Variants in SLC23A2 observed in about 807,000 individuals in gnomAD.
SLC23A2 encodes solute carrier family 23 member 2.
SLC23A2 carries 36 observed loss-of-function variants against 73.3 expected under a neutral mutation model. The observed-to-expected ratio is 0.49, with a 90% CI of 0.38 to 0.65. SLC23A2 has a LOEUF of 0.65. SLC23A2 is among the 30% of genes least tolerant of loss of function. SLC23A2 has a pLI of 0.00. For synonymous variants in SLC23A2, 343 were observed against 327.3 expected (o/e 1.05, Z -0.52); for missense variants, 507 against 841.6 (o/e 0.60, Z 4.92).
At chr20:4,931,217 C>T (rs1249228907) in intron 3 of SLC23A2, among the ~76,000 whole-genome samples, 1 of 151,772 alleles carries the variant, frequency 6.6e-6, no homozygotes, top group Non-Finnish European at 1.5e-5. Context: ...TGGTGGCAGG[C>T]ATCTGTGATC....
At position 4,853,789 on chromosome 20, in the gene SLC23A2, C is replaced by G. The variant is rs918280928; in HGVS notation, c.*3183G>C. 1 of 152,408 alleles carries G rather than the reference C, an allele frequency of 6.6e-6. No individual in the cohort carries two copies. Among genetic ancestry groups the G allele is most frequent in the Non-Finnish European group, 1.5e-5 (1 of 68,050 alleles). 9.4% of individuals were successfully genotyped at this position (152,408 alleles called of 1,614,324 possible). A position where few individuals can be genotyped will look rare whatever the true frequency, so the allele number is the denominator to read the frequency against. On this transcript the variant is annotated 3_prime_UTR_variant, in exon 17 of 17. Coordinates refer to ENST00000338244, the MANE Select transcript of SLC23A2 (RefSeq NM_005116.6). ...CTGGCTGGCATGGTTAAAGCCACTT[C>G]TCTTGCCTTGATCAATCCCAAGAAA... is the stretch of plus-strand genomic sequence containing the variant.
intron 2 of SLC23A2, among the ~76,000 whole-genome samples, chr20:4,952,323 A>C (rs765257180): frequency 2.0e-5 from 3 of 152,142 alleles, no homozygotes; most frequent in Non-Finnish European, 4.4e-5. Flanking sequence ...GGGAGGAGAA[A>C]ATGTTTGGTT....
chr20:4,856,976 C>T lies in SLC23A2; in HGVS notation c.1949G>A (p.Gly650Glu). The T allele has an allele frequency of 6.2e-7, 1 of 1,610,712 alleles. No individual in the cohort carries two copies. The highest frequency in any genetic ancestry group is 8.5e-7 in the Non-Finnish European group (1 of 1,177,238). ...RSSDEDSQAT[G>E] ...GGCCACAGGGCACAGCAAAGGCTAT[C>T]CCGTGGCCTGGGAGTCTTCATCTGA... Residue 650 changes from glycine (G) to glutamate (E), a missense_variant, in exon 17 of 17, where the codon GGA (glycine) becomes GAA (glutamate). Physicochemically the swap from Gly to Glu is moderately conservative, Grantham distance 98. Transcript: ENST00000338244. This position sits in a 1 kb window ranked among gnomAD's most constrained non-coding sequence, Gnocchi z 4.6.
At chr20:4,950,243 C>T (rs2087179046) in intron 2 of SLC23A2, among the ~76,000 whole-genome samples, 1 of 152,222 alleles carries the variant, frequency 6.6e-6, no homozygotes, top group South Asian at 2.1e-4. Flanking sequence ...GTAAACCCTT[C>T]AGTTCAGATG....
At chr20:4,948,061 C>G (rs992483533) in intron 2 of SLC23A2, among the ~76,000 whole-genome samples, 1 of 152,196 alleles carries the variant, frequency 6.6e-6, no homozygotes, top group Non-Finnish European at 1.5e-5. Flanking sequence ...GAAGAGGAAG[C>G]CTCAGTAGGG....
intron 3 of SLC23A2, among the ~76,000 whole-genome samples, chr20:4,928,970 G>C (rs1932754778): frequency 6.6e-6 from 1 of 152,218 alleles, no homozygotes; most frequent in African/African-American, 2.4e-5. Context: ...AACATGTATG[G>C]GCTGGGCACG....
At chr20:4,966,786 G>T (rs2087481142) in intron 2 of SLC23A2, among the ~76,000 whole-genome samples, 1 of 126,982 alleles carries the variant, frequency 7.9e-6, no homozygotes, top group South Asian at 2.6e-4. Context: ...ACATCCTATG[G>T]ATGTGTAAAC....
At chr20:4,931,167 C>T (rs548092600) in intron 3 of SLC23A2, among the ~76,000 whole-genome samples, 9 of 149,708 alleles carry the variant, frequency 6.0e-5, no homozygotes, top group Admixed American at 2.0e-4. Context: ...CATAAGGAGA[C>T]CCTGTCTCTA....
intron 3 of SLC23A2, among the ~76,000 whole-genome samples, chr20:4,919,533 G>A (rs1600133987): frequency 6.6e-6 from 1 of 152,326 alleles, no homozygotes; most frequent in Non-Finnish European, 1.5e-5. Context: ...TGTCTGCCAA[G>A]GTCCACACTG....
chr20:4,928,422 G>T (rs1343509229), intron 3 of SLC23A2, among the ~76,000 whole-genome samples: 2 of 152,090 alleles, frequency 1.3e-5, no homozygotes, highest in Non-Finnish European at 2.9e-5. Flanking sequence ...TCTTTGATGA[G>T]GTTTTGTTTT....
chr20:4,916,716 G>A (rs1443247909), intron 3 of SLC23A2, among the ~76,000 whole-genome samples: 1 of 152,138 alleles, frequency 6.6e-6, no homozygotes, highest in Non-Finnish European at 1.5e-5. Context: ...TGACTTTACA[G>A]TGGTACAAAA....
In SLC23A2 at chr20:4,857,236, T is replaced by C; in HGVS notation, c.1721-32A>G. ...CACATCCCAAGATAGAACAAAGGAA[T>C]GCTTCGTTTAGCAGCTCTACTGAAA... On this transcript the variant is annotated intron_variant, in intron 16 of 16. Coordinates refer to ENST00000338244, the MANE Select transcript of SLC23A2 (RefSeq NM_005116.6). The surrounding 1 kb of genome is among the most constrained non-coding windows in gnomAD (Gnocchi z 4.0). 2 of 1,337,192 alleles carry C rather than the reference T, an allele frequency of 1.5e-6. No homozygotes were observed. The highest frequency in any genetic ancestry group is 2.1e-6 in the Non-Finnish European group (2 of 956,496). 82.8% of individuals were successfully genotyped at this position (1,337,192 alleles called of 1,614,324 possible). A position where few individuals can be genotyped will look rare whatever the true frequency, so the allele number is the denominator to read the frequency against.
chr20:4,990,989 A>C (rs74349611), intron 1 of SLC23A2, among the ~76,000 whole-genome samples: 4 of 151,776 alleles, frequency 2.6e-5, no homozygotes, highest in Admixed American at 6.6e-5. Flanking sequence ...AAAAAAAAAA[A>C]AACAACCCAC....
chr20:4,975,121 T>C (rs184948657), intron 1 of SLC23A2, among the ~76,000 whole-genome samples: 143 of 152,218 alleles, frequency 9.4e-4, no homozygotes, highest in African/African-American at 3.4e-3. Flanking sequence ...CAAGTAACAA[T>C]AAATGGAGAA....
At chr20:4,951,296 G>A (rs544899527) in intron 2 of SLC23A2, among the ~76,000 whole-genome samples, 1 of 152,274 alleles carries the variant, frequency 6.6e-6, no homozygotes, top group African/African-American at 2.4e-5. Flanking sequence ...AGGTGGGGAA[G>A]AACAGTAGGG....
intron 1 of SLC23A2, among the ~76,000 whole-genome samples, chr20:5,008,373 G>C (rs543198910): frequency 6.6e-6 from 1 of 152,076 alleles, no homozygotes; most frequent in Non-Finnish European, 1.5e-5. Context: ...GTTAGTTCTG[G>C]AATCTGTCTG....
intron 4 of SLC23A2, among the ~76,000 whole-genome samples, chr20:4,907,119 G>T (rs912074163): frequency 6.6e-6 from 1 of 152,178 alleles, no homozygotes; most frequent in Admixed American, 6.5e-5. Flanking sequence ...AAGCCCTCAG[G>T]CTGAGGAATA....
At chr20:4,936,317 A>G (rs2086961132) in intron 2 of SLC23A2, among the ~76,000 whole-genome samples, 1 of 152,240 alleles carries the variant, frequency 6.6e-6, no homozygotes, top group Non-Finnish European at 1.5e-5. Context: ...TAGGATAGTG[A>G]AATACTGGTA....
chr20:4,959,114 G>A (rs2087338483), intron 2 of SLC23A2, among the ~76,000 whole-genome samples: 2 of 151,836 alleles, frequency 1.3e-5, no homozygotes, highest in Admixed American at 1.3e-4. Flanking sequence ...AGCTACTCAG[G>A]AGGCTGAGGC....
Sources: allele counts gnomAD v4.1 joint callset (sites outside exome capture counted in the v4.1 genomes callset), GRCh38; gene constraint gnomAD v4.1.1; non-coding constraint Gnocchi (gnomAD v3.1); transcripts MANE v1.5; gene names NCBI Gene and HGNC (gene_info 2026-07-23, HGNC 2026-07-21).